The following ZFAND3 variants were observed in gnomAD, a reference collection of about 807,000 sequenced individuals.
The protein encoded by ZFAND3 is zinc finger AN1-type containing 3, also known as AN1-type zinc finger protein 3.
A neutral mutation model predicts 29.6 loss-of-function variants in ZFAND3; 10 were observed. The observed-to-expected ratio is 0.34, with a 90% CI of 0.21 to 0.57. ZFAND3 has a LOEUF of 0.57. Ranked by LOEUF, ZFAND3 falls within the 20% of genes least tolerant of loss-of-function variation. The pLI is 0.86. For missense variants in ZFAND3, 230 were observed against 304.5 expected, an observed-to-expected ratio of 0.76 and a Z score of 1.82; for synonymous variants, 128 against 112.6, an observed-to-expected ratio of 1.14 and a Z score of -0.87.
intron 5 of ZFAND3, among the ~76,000 whole-genome samples, chr6:38,140,093 A>G (rs1481470928): frequency 6.6e-6 from 1 of 152,210 alleles, no homozygotes; most frequent in Non-Finnish European, 1.5e-5. Context: ...GAGACATTGA[A>G]GAAGAAGCAG....
chr6:37,988,368 G>T (rs1762704949), intron 2 of ZFAND3, among the ~76,000 whole-genome samples: 1 of 152,096 alleles, frequency 6.6e-6, no homozygotes, highest in South Asian at 2.1e-4. Flanking sequence ...TTTTACTCCT[G>T]CCAAACTTTG....
chr6:37,848,824 G>T (rs1764229558), intron 1 of ZFAND3, among the ~76,000 whole-genome samples: 1 of 152,120 alleles, frequency 6.6e-6, no homozygotes, highest in Non-Finnish European at 1.5e-5. Flanking sequence ...GTGTCTCGAT[G>T]CTGGTAGTCT....
chr6:37,974,582 G>C lies in ZFAND3; in HGVS notation c.112+44583G>C, dbSNP rs532723550. Among the ~76,000 whole-genome samples, 7 of 151,918 alleles carry C rather than the reference G, an allele frequency of 4.6e-5. No individual in the cohort carries two copies. The East Asian group carries it at 1.4e-3, about 29-fold the overall frequency. The stretch of plus-strand genomic sequence containing the variant: ...CCAACACCTGGATAATTTTTGTAGA[G>C]ATAGGGTCTTGCTGTGCTGCCCAGG... On this transcript the variant is annotated intron_variant, in intron 2 of 5. Coordinates refer to ENST00000287218, the MANE Select transcript of ZFAND3 (RefSeq NM_021943.3).
At chr6:37,882,635 T>C (rs1376121230) in intron 1 of ZFAND3, among the ~76,000 whole-genome samples, 4 of 150,506 alleles carry the variant, frequency 2.7e-5, no homozygotes, top group Non-Finnish European at 3.0e-5. Flanking sequence ...TTGTTTGGTT[T>C]GGAGTGTTTG....
In ZFAND3 at chr6:38,154,086, G is replaced by C; in HGVS notation, c.*1697G>C. On this transcript the variant is annotated 3_prime_UTR_variant, in exon 6 of 6. Coordinates refer to ENST00000287218, the MANE Select transcript of ZFAND3 (RefSeq NM_021943.3). The stretch of plus-strand genomic sequence containing the variant: ...TAATTCTTGCTTCAGGACCCAGACC[G>C]GTGTCTTGCTCTAGGGCAACCCAGG... The C allele has an allele frequency of 1.0e-6, 1 of 985,546 alleles. No individual in the cohort carries two copies. The highest frequency in any genetic ancestry group is 1.2e-6 in the Non-Finnish European group (1 of 830,002). The allele number at this position is 985,546 out of a possible 1,614,324, so 61.1% of individuals were successfully genotyped here.
chr6:37,978,178 A>G (rs1311509533), intron 2 of ZFAND3, among the ~76,000 whole-genome samples: 1 of 152,056 alleles, frequency 6.6e-6, no homozygotes, highest in African/African-American at 2.4e-5. Context: ...GCCTGGCTGT[A>G]AAATGTTTTT....
chr6:38,049,692 G>A (rs17649094), intron 2 of ZFAND3, among the ~76,000 whole-genome samples: 5,912 of 152,196 alleles, frequency 0.039, 194 homozygotes, highest in Non-Finnish European at 0.049. Context: ...TAGTCAGTTA[G>A]CCCTAATCTT....
At chr6:38,013,718 C>A (rs1763201393) in intron 2 of ZFAND3, among the ~76,000 whole-genome samples, 1 of 150,624 alleles carries the variant, frequency 6.6e-6, no homozygotes, top group African/African-American at 2.4e-5. Context: ...CATTTAAAAA[C>A]TGGAGAGTTA....
At chr6:37,956,512 GA>G (rs1489063502) in intron 2 of ZFAND3, among the ~76,000 whole-genome samples, 1 of 151,750 alleles carries the variant, frequency 6.6e-6, no homozygotes, top group Non-Finnish European at 1.5e-5. Context: ...ATAGATTATA[GA>G]AAGGGGATAT....
At chr6:37,824,075 C>T (rs566975146) in intron 1 of ZFAND3, among the ~76,000 whole-genome samples, 19 of 152,264 alleles carry the variant, frequency 1.2e-4, no homozygotes, top group Non-Finnish European at 1.2e-4. Flanking sequence ...CGCGCCTGGC[C>T]GGTATATATT....
chr6:37,957,020 AT>A (rs1164152852), intron 2 of ZFAND3, among the ~76,000 whole-genome samples: 4 of 152,204 alleles, frequency 2.6e-5, no homozygotes, highest in African/African-American at 2.4e-5. Context: ...GTGAAAAAAA[AT>A]GTACTCATTT....
intron 3 of ZFAND3, among the ~76,000 whole-genome samples, chr6:38,073,592 T>C (rs1764498862): frequency 6.6e-6 from 1 of 152,198 alleles, no homozygotes; most frequent in Non-Finnish European, 1.5e-5. Flanking sequence ...CTGATTTTAT[T>C]AGCCAGGTGA....
intron 1 of ZFAND3, among the ~76,000 whole-genome samples, chr6:37,856,007 C>G (rs1764375200): frequency 6.6e-6 from 1 of 151,372 alleles, no homozygotes; most frequent in Admixed American, 6.6e-5. Context: ...GGTGGTAGTT[C>G]TGGTTTTTTT....
chr6:37,974,286 A>G (rs1762439206), intron 2 of ZFAND3, among the ~76,000 whole-genome samples: 1 of 151,796 alleles, frequency 6.6e-6, no homozygotes, highest in Non-Finnish European at 1.5e-5. Flanking sequence ...CTGGTCTCGA[A>G]CTTCTGACCT....
chr6:38,004,362 AGTGTTCC>A (rs2127440957), intron 2 of ZFAND3, among the ~76,000 whole-genome samples: 1 of 152,226 alleles, frequency 6.6e-6, no homozygotes, highest in East Asian at 1.9e-4. Flanking sequence ...TGATACCGTC[AGTGTTCC>A]TCCTCTGCAG....
At chr6:38,151,799 C>CA (rs1766231983) in intron 5 of ZFAND3, among the ~76,000 whole-genome samples, 1 of 152,152 alleles carries the variant, frequency 6.6e-6, no homozygotes, top group Admixed American at 6.6e-5. Context: ...GGTGGAATGT[C>CA]ATTTAAGACA....
Position 38,154,146 on chromosome 6 carries a change from G to A in ZFAND3, c.*1757G>A. 1 of 985,594 alleles carries A rather than the reference G, an allele frequency of 1.0e-6. No individual in the cohort carries two copies. Among genetic ancestry groups the A allele is most frequent in the Non-Finnish European group, 1.2e-6 (1 of 830,022 alleles). The allele number at this position is 985,594 out of a possible 1,614,324, so 61.1% of individuals were successfully genotyped here. On this transcript the variant is annotated 3_prime_UTR_variant, in exon 6 of 6. Coordinates refer to ENST00000287218, the MANE Select transcript of ZFAND3 (RefSeq NM_021943.3). ...CCAGGTCTGCCCAGCGTTTACCACT[G>A]CTGTCAAGCCACAGCCCTTGGCCAC...
intron 4 of ZFAND3, among the ~76,000 whole-genome samples, chr6:38,090,239 G>A (rs894319481): frequency 2.0e-5 from 3 of 152,098 alleles, no homozygotes; most frequent in African/African-American, 7.2e-5. Flanking sequence ...TCTTCCCTCA[G>A]GTCTGCAGTA....
intron 1 of ZFAND3, among the ~76,000 whole-genome samples, chr6:37,920,310 TG>T (rs1322041597): frequency 2.6e-5 from 4 of 151,878 alleles, no homozygotes; most frequent in South Asian, 2.1e-4. Flanking sequence ...TTCACTTCAT[TG>T]TTTTTTTTTT....
Sources: gnomAD v4.1 joint callset for allele counts (sites outside exome capture counted in the v4.1 genomes callset) on GRCh38, gnomAD v4.1.1 for gene constraint, MANE v1.5 for transcripts, NCBI Gene and HGNC (gene_info 2026-07-23, HGNC 2026-07-21) for gene names.